The following IRAK3 variants were observed in gnomAD, a reference collection of about 807,000 sequenced individuals.
The protein encoded by IRAK3 is interleukin 1 receptor associated kinase 3, also known as interleukin-1 receptor-associated kinase 3.
A neutral mutation model predicts 56.6 loss-of-function variants in IRAK3; 57 were observed. The observed-to-expected ratio is 1.01, with a 90% CI of 0.81 to 1.26. IRAK3 has a LOEUF of 1.26. IRAK3 is among the 50% of genes most tolerant of loss of function. The pLI is 0.00. For synonymous variants in IRAK3, 258 were observed against 255.7 expected (o/e 1.01, Z -0.09); for missense variants, 703 against 719.0 (o/e 0.98, Z 0.25).
In IRAK3 at chr12:66,251,769, G is replaced by A. The variant is rs1420986647; in HGVS notation, c.*3598G>A. 3 of 152,198 alleles carry A rather than the reference G, an allele frequency of 2.0e-5. No homozygotes were observed. Among genetic ancestry groups the A allele is most frequent in the South Asian group, 2.1e-4 (1 of 4,838 alleles). The allele number at this position is 152,198 out of a possible 1,614,324, so 9.4% of individuals were successfully genotyped here. The stretch of plus-strand genomic sequence containing the variant: ...GTTTATCATGAGTAGCATTTATTAA[G>A]CATCTGCTAGAATCAAAGCACTGCA... On this transcript the variant is annotated 3_prime_UTR_variant, in exon 12 of 12. Transcript: ENST00000261233.
chr12:66,230,712 G>A (rs2052836083), intron 8 of IRAK3, among the ~76,000 whole-genome samples: 1 of 152,042 alleles, frequency 6.6e-6, no homozygotes, highest in African/African-American at 2.4e-5. Context: ...GGGGCGGTGT[G>A]GAGTCATGGT....
At chr12:66,214,068 G>A (rs958178897) in intron 5 of IRAK3, among the ~76,000 whole-genome samples, 1 of 152,228 alleles carries the variant, frequency 6.6e-6, no homozygotes, top group African/African-American at 2.4e-5. Flanking sequence ...CGGACTGGGT[G>A]TAGGGAAGAT....
At chr12:66,192,588 A>G (rs1292680682) in intron 1 of IRAK3, among the ~76,000 whole-genome samples, 2 of 152,200 alleles carry the variant, frequency 1.3e-5, no homozygotes, top group African/African-American at 4.8e-5. Context: ...GCTGTATTCA[A>G]TTTTCTTCCT....
intron 8 of IRAK3, among the ~76,000 whole-genome samples, chr12:66,239,733 G>A (rs2052945614): frequency 6.6e-6 from 1 of 151,970 alleles, no homozygotes; most frequent in Admixed American, 6.6e-5. Flanking sequence ...ATCCAAATAT[G>A]ATTTTTTCTA....
At position 66,251,312 on chromosome 12, in the gene IRAK3, T is replaced by C. The variant is rs1311633101; in HGVS notation, c.*3141T>C. Reference sequence around the variant, plus strand: ...TTCTAGTGGGTGTATTAATAAGCGTTAGTTGATATGAATTAAATGTTGCAA... The same window carrying C: ...TTCTAGTGGGTGTATTAATAAGCGTCAGTTGATATGAATTAAATGTTGCAA... On this transcript the variant is annotated 3_prime_UTR_variant, in exon 12 of 12. Transcript: ENST00000261233. 1 of 152,188 alleles carries C rather than the reference T, an allele frequency of 6.6e-6. No individual in the cohort carries two copies. The highest frequency in any genetic ancestry group is 1.5e-5 in the Non-Finnish European group (1 of 68,036). 9.4% of individuals were successfully genotyped at this position (152,188 alleles called of 1,614,324 possible).
intron 6 of IRAK3, among the ~76,000 whole-genome samples, chr12:66,221,913 C>A (rs1156820187): frequency 6.6e-6 from 1 of 152,250 alleles, no homozygotes; most frequent in Non-Finnish European, 1.5e-5. Context: ...CTTGCAATCC[C>A]AGCTATTCAG....
intron 1 of IRAK3, among the ~76,000 whole-genome samples, chr12:66,191,776 G>A (rs1345940910): frequency 6.6e-6 from 1 of 152,186 alleles, no homozygotes; most frequent in Non-Finnish European, 1.5e-5. Flanking sequence ...AGGGGAAGGA[G>A]AGTGACAGAG....
rs190000723 is a variant in IRAK3 at position 66,191,650 on chromosome 12, G to A, written c.133+2218G>A. On this transcript the variant is annotated intron_variant, in intron 1 of 11. Transcript: ENST00000261233. ...TTGGCTCAGCAAGAAGGCAAGGCTA[G>A]CCCAGTTCAGGGTGTTGAGGCAACT... 1.9e-4 allele frequency among the ~76,000 whole-genome samples: 29 copies of A among 152,322 alleles called. No homozygotes were observed. In the South Asian group the frequency reaches 2.1e-3, roughly 11 times the overall value.
intron 1 of IRAK3, among the ~76,000 whole-genome samples, chr12:66,202,898 T>C (rs1280070159): frequency 6.6e-6 from 1 of 151,596 alleles, no homozygotes; most frequent in Non-Finnish European, 1.5e-5. Context: ...GCAACAAAAT[T>C]ATTAATGATA....
chr12:66,207,235 C>T (rs1190046863), intron 2 of IRAK3, among the ~76,000 whole-genome samples: 2 of 152,134 alleles, frequency 1.3e-5, no homozygotes, highest in Non-Finnish European at 2.9e-5. Context: ...CTTTGGGAGG[C>T]CGAGGCAGGC....
rs748426268 is a variant in IRAK3, at chr12:66,209,430, T to A, written c.317-26T>A. 3 of 1,524,206 alleles carry A rather than the reference T, an allele frequency of 2.0e-6. No homozygotes were observed. In the South Asian group the frequency reaches 3.4e-5, roughly 17 times the overall value. 94.4% of individuals were successfully genotyped at this position (1,524,206 alleles called of 1,614,324 possible). A position where few individuals can be genotyped will look rare whatever the true frequency, so the allele number is the denominator to read the frequency against. On this transcript the variant is annotated intron_variant, in intron 2 of 11. Transcript: ENST00000261233. ...ATTAGGGACATAAAATTTTTTTGTA[T>A]CTACCTTCCCATATTTCTCTTTCAG...
At position 66,245,779 on chromosome 12, in the gene IRAK3, G is replaced by A. The variant is rs188452148; in HGVS notation, c.1314+517G>A. ...ACTCCTGACCTCAAGTGATCCACCC[G>A]CCTTGGCCTCCCAAAGTGTTCAGTC... On this transcript the variant is annotated intron_variant, in intron 11 of 11. Coordinates refer to ENST00000261233, the MANE Select transcript of IRAK3 (RefSeq NM_007199.3). Among the ~76,000 whole-genome samples the A allele has an allele frequency of 2.1e-3, 325 of 152,088 alleles. 1 individual carries two copies. Among genetic ancestry groups the A allele is most frequent in the African/African-American group, 7.3e-3 (302 of 41,496 alleles).
At chr12:66,195,451 C>T (rs1002053906) in intron 1 of IRAK3, among the ~76,000 whole-genome samples, 3 of 152,140 alleles carry the variant, frequency 2.0e-5, no homozygotes, top group Admixed American at 1.3e-4. Flanking sequence ...AACCCTCTGG[C>T]GGCTTCCCAG....
chr12:66,223,456 A>C (rs1230858258), intron 6 of IRAK3, among the ~76,000 whole-genome samples: 1 of 151,760 alleles, frequency 6.6e-6, no homozygotes, highest in African/African-American at 2.4e-5. Flanking sequence ...TCAGGAGATC[A>C]AGACCATCCT....
chr12:66,214,270 T>C (rs2052642930), intron 5 of IRAK3, among the ~76,000 whole-genome samples: 1 of 151,864 alleles, frequency 6.6e-6, no homozygotes, highest in African/African-American at 2.4e-5. Flanking sequence ...ATGCCTGTAA[T>C]CCCAGCACTT....
chr12:66,229,268 C>T lies in IRAK3; in HGVS notation c.887+898C>T, dbSNP rs114247247. Among the ~76,000 whole-genome samples, 1,072 of 152,290 alleles carry T rather than the reference C, an allele frequency of 7.0e-3. 26 individuals carry two copies. Among genetic ancestry groups the T allele is most frequent in the African/African-American group, 0.025 (1,034 of 41,562 alleles). On this transcript the variant is annotated intron_variant, in intron 8 of 11. Transcript: ENST00000261233. ...TGAGAAAATTAGAAGCAACATCTCC[C>T]ACATTTCTTCTTCTAGACATAAAGA...
At chr12:66,244,825 CAATT>C in intron 9 of IRAK3, 119 bp from the exon 10 acceptor site, 3 of 1,051,672 alleles carry the variant, frequency 2.9e-6, no homozygotes, top group South Asian at 1.4e-5. Flanking sequence ...TGTAATCAAG[CAATT>C]AATAAAATAT....
At chr12:66,219,947 A>G (rs934773066) in intron 6 of IRAK3, among the ~76,000 whole-genome samples, 3 of 152,196 alleles carry the variant, frequency 2.0e-5, no homozygotes, top group African/African-American at 7.2e-5. Flanking sequence ...TTTGTATCTT[A>G]ACACCTTATT....
chr12:66,227,999 T>C (rs779092805), intron 7 of IRAK3, among the ~76,000 whole-genome samples: 2 of 152,212 alleles, frequency 1.3e-5, no homozygotes, highest in Non-Finnish European at 2.9e-5. Context: ...CCTTACTAGC[T>C]ATGTTTTGAT....
Sources: allele counts gnomAD v4.1 joint callset (sites outside exome capture counted in the v4.1 genomes callset), GRCh38; gene constraint gnomAD v4.1.1; transcripts MANE v1.5; gene names NCBI Gene and HGNC (gene_info 2026-07-23, HGNC 2026-07-21).